Variants in JMJD1C observed in about 807,000 individuals in gnomAD.
JMJD1C encodes jumonji domain containing 1C.
JMJD1C carries 31 observed loss-of-function variants against 245.3 expected under a neutral mutation model. That is an observed-to-expected ratio of 0.13 (90% confidence interval 0.09 to 0.17). The LOEUF (loss-of-function observed/expected upper bound fraction) is 0.17, where lower values mean the gene tolerates loss of function less well. Among genes scored for constraint, JMJD1C ranks in the 10% least tolerant of loss-of-function variants. JMJD1C has a pLI of 1.00. For synonymous variants in JMJD1C, 1,057 were observed against 1,017.4 expected, an observed-to-expected ratio of 1.04 and a Z score of -0.74; for missense variants, 2,691 against 3,000.2, an observed-to-expected ratio of 0.90 and a Z score of 2.41.
intron 1 of JMJD1C, among the ~76,000 whole-genome samples, chr10:63,432,020 AG>A (rs1269207835): frequency 1.3e-5 from 2 of 152,334 alleles, no homozygotes; most frequent in Non-Finnish European, 2.9e-5. Flanking sequence ...GAAAAGAAAA[AG>A]AAAAAGAAAA....
At chr10:63,215,482 G>A in intron 6 of JMJD1C, 27 bp from the exon 7 acceptor site, 1 of 1,612,750 alleles carries the variant, frequency 6.2e-7, no homozygotes, top group Non-Finnish European at 8.5e-7. Flanking sequence ...AACAGTAATT[G>A]TTTACTACCT....
rs1042746716 is a variant in JMJD1C, at chr10:63,214,143, T to C, written c.2024A>G (p.Asn675Ser). Residue 675 changes from asparagine to serine, a missense_variant, in exon 8 of 26, where the codon AAT (asparagine) becomes AGT (serine). Around this residue, in one of 9 missense-constraint regions of JMJD1C, gnomAD observed 1,562 missense variants for 1,490.7 expected, o/e 1.05. Transcript: ENST00000399262. ...TCTTGATAGCTCATGTTCTATCTTA[T>C]TTGCCAATCTTCTTTCACCAGTAGC... ...SQATGERRLA[N>S]KIEHELSRCS... is the part of the protein sequence containing the mutation. The C allele has an allele frequency of 6.2e-6, 10 of 1,614,210 alleles. No individual in the cohort carries two copies. The highest frequency in any genetic ancestry group is 2.2e-5 in the East Asian group (1 of 44,880).
intron 1 of JMJD1C, among the ~76,000 whole-genome samples, chr10:63,422,510 C>G (rs1484922249): frequency 6.6e-6 from 1 of 152,166 alleles, no homozygotes; most frequent in Admixed American, 6.5e-5. Context: ...AGATTTCCTC[C>G]ATCTGGAATA....
intron 18 of JMJD1C, among the ~76,000 whole-genome samples, chr10:63,187,438 A>C (rs1844259863): frequency 6.6e-6 from 1 of 152,136 alleles, no homozygotes; most frequent in Non-Finnish European, 1.5e-5. Context: ...TATCACCATG[A>C]TCTTTTTACT....
chr10:63,512,834 T>G (rs368943990), intron 1 of JMJD1C, among the ~76,000 whole-genome samples: 1 of 152,214 alleles, frequency 6.6e-6, no homozygotes, highest in East Asian at 1.9e-4. Context: ...TTTTGCACCT[T>G]TGGCAGCTGT....
At chr10:63,349,625 A>G (rs1401373973) in intron 2 of JMJD1C, among the ~76,000 whole-genome samples, 5 of 152,214 alleles carry the variant, frequency 3.3e-5, no homozygotes, top group African/African-American at 1.2e-4. Flanking sequence ...TCTGATTGCA[A>G]CCAATGGAAT....
At chr10:63,350,688 C>A (rs1296827086) in intron 2 of JMJD1C, among the ~76,000 whole-genome samples, 2 of 150,416 alleles carry the variant, frequency 1.3e-5, no homozygotes, top group Non-Finnish European at 2.9e-5. Context: ...GCAATCTCAG[C>A]TCACTGCAAG....
chr10:63,362,762 T>C (rs1297588253), intron 2 of JMJD1C, among the ~76,000 whole-genome samples: 1 of 152,134 alleles, frequency 6.6e-6, no homozygotes, highest in Non-Finnish European at 1.5e-5. Flanking sequence ...ATTACAGGCA[T>C]GAGCCATCAT....
At chr10:63,219,402 C>T (rs1303285954) in intron 4 of JMJD1C, among the ~76,000 whole-genome samples, 2 of 152,090 alleles carry the variant, frequency 1.3e-5, no homozygotes, top group Admixed American at 6.5e-5. Flanking sequence ...TGCTAAAAAT[C>T]GTCAAACCCC....
chr10:63,264,705 A>T lies in JMJD1C; in HGVS notation c.393T>A (p.Leu131=). The change falls in exon 3 of 26, where the codon CTT becomes CTA. Residue 131 remains leucine (L), a synonymous_variant. Coordinates refer to ENST00000399262, the MANE Select transcript of JMJD1C (RefSeq NM_032776.3). ...TTAAAAAATCCAGTTGCTTATCTAC[A>T]AGGAATTCTACTGCAGTGACTGAAC... ...IPSSVTAVEF[L]VDKQLDFLTE... 6.2e-7 allele frequency: 1 copy of T among 1,602,036 alleles called. No homozygotes were observed. Among genetic ancestry groups the T allele is most frequent in the East Asian group, 2.3e-5 (1 of 44,192 alleles).
intron 3 of JMJD1C, among the ~76,000 whole-genome samples, chr10:63,223,737 T>C (rs1402814811): frequency 6.6e-6 from 1 of 151,994 alleles, no homozygotes; most frequent in Non-Finnish European, 1.5e-5. Context: ...TTCTTCAACA[T>C]TTATTTATAA....
intron 3 of JMJD1C, among the ~76,000 whole-genome samples, chr10:63,258,421 T>C (rs891649225): frequency 6.6e-6 from 1 of 152,230 alleles, no homozygotes; most frequent in South Asian, 2.1e-4. Flanking sequence ...ACAGATAATT[T>C]TGTTACTCTC....
intron 2 of JMJD1C, among the ~76,000 whole-genome samples, chr10:63,302,290 A>G (rs1359930729): frequency 2.6e-5 from 4 of 152,240 alleles, no homozygotes; most frequent in African/African-American, 9.6e-5. Flanking sequence ...ACTGGACAAT[A>G]AGTTACGAGA....
intron 2 of JMJD1C, among the ~76,000 whole-genome samples, chr10:63,274,127 T>C (rs535442066): frequency 1.3e-5 from 2 of 152,238 alleles, no homozygotes; most frequent in South Asian, 4.1e-4. Flanking sequence ...TGAACAACAA[T>C]CGTAGGAGGA....
chr10:63,170,178 G>A (rs754016252), intron 24 of JMJD1C, among the ~76,000 whole-genome samples: 1 of 152,026 alleles, frequency 6.6e-6, no homozygotes, highest in Non-Finnish European at 1.5e-5. Context: ...TTCATCCATC[G>A]TTTTCCTGAT....
At chr10:63,341,464 T>C (rs1015868278) in intron 2 of JMJD1C, among the ~76,000 whole-genome samples, 3 of 152,234 alleles carry the variant, frequency 2.0e-5, no homozygotes, top group African/African-American at 7.2e-5. Flanking sequence ...TAATACAATA[T>C]GCATACATAA....
At chr10:63,354,510 CTTTT>C in intron 2 of JMJD1C, among the ~76,000 whole-genome samples, 1 of 151,624 alleles carries the variant, frequency 6.6e-6, no homozygotes, top group African/African-American at 2.4e-5. Flanking sequence ...CAATCTTATC[CTTTT>C]TTATTTATTA....
intron 1 of JMJD1C, among the ~76,000 whole-genome samples, chr10:63,440,784 C>T (rs914278644): frequency 2.0e-5 from 3 of 152,116 alleles, no homozygotes. Flanking sequence ...ACTAAGTGTG[C>T]ACAACCAGGT....
intron 1 of JMJD1C, chr10:63,521,527 G>A (rs1242218525): frequency 7.0e-7 from 1 of 1,420,586 alleles, no homozygotes; most frequent in South Asian, 1.5e-5. Context: ...CCGGACGTGG[G>A]GCCCAAGCCC....
Sources: allele counts gnomAD v4.1 joint callset (sites outside exome capture counted in the v4.1 genomes callset), GRCh38; gene constraint gnomAD v4.1.1; regional missense constraint gnomAD v4.1.1; transcripts MANE v1.5; gene names NCBI Gene and HGNC (gene_info 2026-07-23, HGNC 2026-07-21).